KIAA0753: variants seen among roughly 807,000 people sequenced by gnomAD.
KIAA0753 encodes KIAA0753, also known as protein moonraker.
In KIAA0753, 114 loss-of-function variants were observed where a neutral mutation model predicts 116.9. That is an observed-to-expected ratio of 0.98 (90% confidence interval 0.84 to 1.14). The LOEUF (loss-of-function observed/expected upper bound fraction) is 1.14, where lower values mean the gene tolerates loss of function less well. Ranked by LOEUF, KIAA0753 falls within the 50% of genes most tolerant of loss-of-function variation. KIAA0753 has a pLI of 0.00. For synonymous variants in KIAA0753, 405 were observed against 413.1 expected, an observed-to-expected ratio of 0.98 and a Z score of 0.24; for missense variants, 1,156 against 1,172.4, an observed-to-expected ratio of 0.99 and a Z score of 0.20.
At chr17:6,620,388 A>C (rs753617747) in intron 7 of KIAA0753, among the ~76,000 whole-genome samples, 10 of 151,170 alleles carry the variant, frequency 6.6e-5, no homozygotes, top group Non-Finnish European at 1.2e-4. Flanking sequence ...CACTTCTTAG[A>C]ATAACAAAAA....
At chr17:6,586,290 C>T (rs981277543) in intron 18 of KIAA0753, among the ~76,000 whole-genome samples, 4 of 152,126 alleles carry the variant, frequency 2.6e-5, no homozygotes, top group Non-Finnish European at 4.4e-5. Flanking sequence ...AACCTCTTTT[C>T]GTTATAAATT....
At chr17:6,596,748 T>C (rs746182722) in intron 14 of KIAA0753, among the ~76,000 whole-genome samples, 2 of 152,250 alleles carry the variant, frequency 1.3e-5, no homozygotes, top group Non-Finnish European at 2.9e-5. Flanking sequence ...TGAAAACGTC[T>C]GCTCATATGA....
chr17:6,595,900 A>G (rs1164207228), intron 15 of KIAA0753, among the ~76,000 whole-genome samples: 1 of 152,184 alleles, frequency 6.6e-6, no homozygotes, highest in Non-Finnish European at 1.5e-5. Flanking sequence ...ATATCGGGGG[A>G]TAATAATAAT....
At chr17:6,593,868 G>A (rs2150764618) in intron 16 of KIAA0753, among the ~76,000 whole-genome samples, 1 of 152,302 alleles carries the variant, frequency 6.6e-6, no homozygotes, top group South Asian at 2.1e-4. Context: ...CTGGGGAACA[G>A]AGTGAAACTG....
chr17:6,604,624 G>A (rs1970076829), intron 12 of KIAA0753, among the ~76,000 whole-genome samples: 1 of 152,006 alleles, frequency 6.6e-6, no homozygotes, highest in Non-Finnish European at 1.5e-5. Context: ...GTGGTTGCCA[G>A]GAGATATTTA....
chr17:6,585,184 T>A (rs1358136550), intron 18 of KIAA0753, among the ~76,000 whole-genome samples: 1 of 152,228 alleles, frequency 6.6e-6, no homozygotes, highest in Non-Finnish European at 1.5e-5. Context: ...GGCTCTAATA[T>A]CTTCTAGCTT....
intron 18 of KIAA0753, among the ~76,000 whole-genome samples, chr17:6,580,930 A>ACC (rs1555521217): frequency 9.1e-4 from 131 of 144,028 alleles, no homozygotes; most frequent in South Asian, 3.9e-3. Flanking sequence ...ACACACACAC[A>ACC]CCTTCATTTT....
chr17:6,590,727 T>G, intron 16 of KIAA0753, 97 bp from the exon 17 acceptor site: 1 of 1,326,918 alleles, frequency 7.5e-7, no homozygotes, highest in Non-Finnish European at 1.1e-6. Context: ...GCAAGTTACA[T>G]GGACATCTCT....
chr17:6,584,919 A>G lies in KIAA0753; in HGVS notation c.2786+4860T>C, dbSNP rs1968453530. The stretch of plus-strand genomic sequence containing the variant: ...TGGGCTCAAGCAATCCTCCCACCTC[A>G]GCCTCCTGAGTAACTGGGACTACAG... On this transcript the variant is annotated intron_variant, in intron 18 of 18. Coordinates refer to ENST00000361413, the MANE Select transcript of KIAA0753 (RefSeq NM_014804.3). Among the ~76,000 whole-genome samples the G allele has an allele frequency of 1.3e-5, 2 of 152,118 alleles. 1 individual carries two copies. The highest frequency in any genetic ancestry group is 2.9e-5 in the Non-Finnish European group (2 of 68,010).
intron 9 of KIAA0753, 105 bp downstream of exon 9, chr17:6,609,889 T>A: frequency 8.0e-7 from 1 of 1,255,148 alleles, no homozygotes; most frequent in Non-Finnish European, 1.1e-6. Context: ...ATGGAAAAAA[T>A]TAAGGCTACT....
chr17:6,622,020 G>T (rs377046535), intron 6 of KIAA0753, among the ~76,000 whole-genome samples: 7 of 152,026 alleles, frequency 4.6e-5, no homozygotes, highest in East Asian at 3.9e-4. Flanking sequence ...GGTTAATGGT[G>T]GTAGAACTGG....
At chr17:6,615,612 C>T (rs1970856449) in intron 7 of KIAA0753, among the ~76,000 whole-genome samples, 1 of 46,652 alleles carries the variant, frequency 2.1e-5, no homozygotes, top group African/African-American at 9.6e-5. Context: ...GAGACTCCGT[C>T]TCAAAAAAAA....
intron 8 of KIAA0753, 79 bp from the exon 9 acceptor site, chr17:6,610,239 C>T (rs1443129049): frequency 6.9e-7 from 1 of 1,448,874 alleles, no homozygotes; most frequent in East Asian, 2.3e-5. Context: ...CACTGAAGCT[C>T]CAAGTTCTCC....
chr17:6,580,695 G>C (rs563269562), intron 18 of KIAA0753, among the ~76,000 whole-genome samples: 6 of 152,274 alleles, frequency 3.9e-5, no homozygotes, highest in Non-Finnish European at 7.4e-5. Flanking sequence ...AGATCCCAAA[G>C]TCCTGCTAGA....
intron 9 of KIAA0753, 50 bp downstream of exon 9, chr17:6,609,944 G>A (rs374179107): frequency 1.6e-5 from 26 of 1,591,924 alleles, no homozygotes; most frequent in Non-Finnish European, 1.9e-5. Flanking sequence ...TTGATATATG[G>A]AGGAAAAAGA....
rs1173109237 is a variant in KIAA0753 at position 6,628,152 on chromosome 17, C to T, written c.683G>A (p.Ser228Asn). 6.2e-7 allele frequency: 1 copy of T among 1,613,774 alleles called. No individual in the cohort carries two copies. Among genetic ancestry groups the T allele is most frequent in the Admixed American group, 1.7e-5 (1 of 59,946 alleles). ...EVQRLQKELS[S>N]CIHKIEEVTK... ...TACCTCTTCAATTTTGTGGATACAA[C>T]TGCTCAGTTCTTTCTGGAGTCGCTG... is the stretch of plus-strand genomic sequence containing the variant. Residue 228 changes from serine (S) to asparagine (N), a missense_variant, in exon 3 of 19, where the codon AGT becomes AAT. By Grantham distance (46) the Ser-to-Asn change is conservative (BLOSUM62 1). Coordinates refer to ENST00000361413, the MANE Select transcript of KIAA0753 (RefSeq NM_014804.3).
chr17:6,606,847 A>C (rs768625296), intron 12 of KIAA0753, 26 bp downstream of exon 12: 1 of 1,589,958 alleles, frequency 6.3e-7, no homozygotes, highest in South Asian at 1.1e-5. Flanking sequence ...AACATCCACT[A>C]TTCTTCCTAA....
In KIAA0753 at chr17:6,620,788, C is replaced by T. The variant is rs201642681; in HGVS notation, c.1315G>A (p.Asp439Asn). ...ACAATAAACACTTTAAGACACATAC[C>T]GGCAAGAAGCTGCTTTGCTACAGAA... ...RPSVAKQLLADKYQPDTELPE... is the reference protein window; with the variant it reads ...RPSVAKQLLANKYQPDTELPE... Residue 439 changes from aspartate to asparagine, a missense_variant and splice_region_variant, in exon 7 of 19, where the codon GAT becomes AAT. By Grantham distance (23) the Asp-to-Asn change is conservative (BLOSUM62 1). Transcript: ENST00000361413. 22 of 1,613,712 alleles carry T rather than the reference C, an allele frequency of 1.4e-5. No homozygotes were observed. The South Asian group carries it at 1.5e-4, about 11-fold the overall frequency.
chr17:6,619,968 G>A (rs1389222524), intron 7 of KIAA0753, among the ~76,000 whole-genome samples: 2 of 152,118 alleles, frequency 1.3e-5, no homozygotes, highest in African/African-American at 2.4e-5. Flanking sequence ...TTAACTACAA[G>A]TTGTCATCAA....
Sources: gnomAD v4.1 joint callset for allele counts (sites outside exome capture counted in the v4.1 genomes callset) on GRCh38, gnomAD v4.1.1 for gene constraint, MANE v1.5 for transcripts, NCBI Gene and HGNC (gene_info 2026-07-23, HGNC 2026-07-21) for gene names.